CSPP1: variants seen among roughly 807,000 people sequenced by gnomAD.
The protein encoded by CSPP1 is centrosome and spindle pole-associated protein 1.
Under a neutral mutation model 164.4 loss-of-function variants are expected in CSPP1, and 126 were observed. That is an observed-to-expected ratio of 0.77 (90% CI 0.66 to 0.89). The LOEUF (loss-of-function observed/expected upper bound fraction) is 0.89. CSPP1 is among the 40% of genes least tolerant of loss of function. CSPP1 has a pLI of 0.00. For synonymous variants in CSPP1, 472 were observed against 476.7 expected (o/e 0.99, Z 0.13); for missense variants, 1,395 against 1,449.8 (o/e 0.96, Z 0.61).
chr8:67,118,184 T>C lies in CSPP1; in HGVS notation c.1497-64T>C, dbSNP rs1244299911. On this transcript the variant is annotated intron_variant, in intron 13 of 30. Coordinates refer to ENST00000678616, the MANE Select transcript of CSPP1 (RefSeq NM_001382391.1). Reference sequence around the variant, plus strand: ...GTACTGTTTTTGCAAAAGAGTAACATCTTGATTTTTTAAAAAATTGCAATG... The same window carrying C: ...GTACTGTTTTTGCAAAAGAGTAACACCTTGATTTTTTAAAAAATTGCAATG... The C allele has an allele frequency of 3.2e-6, 5 of 1,559,962 alleles. No individual in the cohort carries two copies. The African/African-American group carries it at 5.4e-5, about 17-fold the overall frequency.
chr8:67,170,594 C>G (rs1280829581), intron 24 of CSPP1, among the ~76,000 whole-genome samples: 3 of 152,054 alleles, frequency 2.0e-5, no homozygotes, highest in African/African-American at 7.2e-5. Flanking sequence ...TTTCTCTGAC[C>G]TCAAAGACTG....
chr8:67,143,033 C>T lies in CSPP1; in HGVS notation c.1975+5430C>T, dbSNP rs549646126. 1.3e-4 allele frequency among the ~76,000 whole-genome samples: 20 copies of T among 152,014 alleles called. No homozygotes were observed. In the South Asian group the frequency reaches 4.2e-3, roughly 32 times the overall value. On this transcript the variant is annotated intron_variant, in intron 17 of 30. Coordinates refer to ENST00000678616, the MANE Select transcript of CSPP1 (RefSeq NM_001382391.1). ...TTAGAAATTAACCTAGATACAGTGCCGATAATTAAGTTACATACCTTGTTC... is the reference window on the plus strand; with the variant it reads ...TTAGAAATTAACCTAGATACAGTGCTGATAATTAAGTTACATACCTTGTTC...
chr8:67,065,286 T>C (rs772301354), intron 1 of CSPP1, among the ~76,000 whole-genome samples: 7 of 152,172 alleles, frequency 4.6e-5, no homozygotes, highest in Non-Finnish European at 1.0e-4. Context: ...CAAATCCAGT[T>C]GTCAGTACAT....
chr8:67,156,677 CTG>C, intron 19 of CSPP1, among the ~76,000 whole-genome samples: 1 of 152,238 alleles, frequency 6.6e-6, no homozygotes, highest in South Asian at 2.1e-4. Context: ...ATGTTCAAAT[CTG>C]TGCACAAAGA....
At chr8:67,066,730 TATATAC>T (rs1563466971) in intron 1 of CSPP1, among the ~76,000 whole-genome samples, 2 of 152,136 alleles carry the variant, frequency 1.3e-5, no homozygotes, top group Non-Finnish European at 2.9e-5. Flanking sequence ...CATGTTTATA[TATATAC>T]ATATATATAC....
intron 7 of CSPP1, 30 bp from the exon 8 acceptor site, chr8:67,103,007 A>T: frequency 7.5e-7 from 1 of 1,340,210 alleles, no homozygotes; most frequent in Non-Finnish European, 1.1e-6. Flanking sequence ...TGTATGTGGC[A>T]CATGCTTTAT....
intron 1 of CSPP1, among the ~76,000 whole-genome samples, chr8:67,067,073 C>T (rs989330365): frequency 2.6e-5 from 4 of 152,120 alleles, no homozygotes; most frequent in Non-Finnish European, 5.9e-5. Context: ...ATATTTTTGA[C>T]TACGCCAGCC....
chr8:67,154,391 A>G (rs1287056498), intron 19 of CSPP1, among the ~76,000 whole-genome samples: 1 of 151,856 alleles, frequency 6.6e-6, no homozygotes. Flanking sequence ...TTTGAGACGG[A>G]GTCTTGCTCT....
chr8:67,097,862 A>C (rs1813150307), intron 7 of CSPP1, among the ~76,000 whole-genome samples: 1 of 151,944 alleles, frequency 6.6e-6, no homozygotes, highest in African/African-American at 2.4e-5. Context: ...AATAGATTAA[A>C]CATGAGGTTG....
At chr8:67,159,924 C>CTTTCTTT (rs1420951665) in intron 21 of CSPP1, among the ~76,000 whole-genome samples, 14 of 45,594 alleles carry the variant, frequency 3.1e-4, no homozygotes, top group East Asian at 1.2e-3. Flanking sequence ...TTCTTTCTTT[C>CTTTCTTT]CTTTCCTTCC....
intron 9 of CSPP1, among the ~76,000 whole-genome samples, chr8:67,109,303 C>T (rs1353928118): frequency 2.0e-5 from 3 of 152,164 alleles, no homozygotes; most frequent in Non-Finnish European, 4.4e-5. Context: ...ATCTGCTGTT[C>T]TTGTCATGTG....
At chr8:67,075,396 CA>C (rs1308626474) in intron 2 of CSPP1, among the ~76,000 whole-genome samples, 1 of 152,140 alleles carries the variant, frequency 6.6e-6, no homozygotes, top group African/African-American at 2.4e-5. Flanking sequence ...TTGTCCTGGA[CA>C]AAGGTACCTT....
At chr8:67,194,517 C>T (rs926095648) in intron 30 of CSPP1, among the ~76,000 whole-genome samples, 4 of 152,000 alleles carry the variant, frequency 2.6e-5, no homozygotes, top group Non-Finnish European at 4.4e-5. Context: ...ACCCAACAAA[C>T]TGAATTAATA....
At chr8:67,092,785 C>T (rs533985343) in intron 5 of CSPP1, among the ~76,000 whole-genome samples, 4 of 152,130 alleles carry the variant, frequency 2.6e-5, no homozygotes, top group South Asian at 4.2e-4. Context: ...GTTGTTTTAG[C>T]GACACGGGAG....
In CSPP1 at chr8:67,111,983, C is replaced by A. The variant is rs374703898; in HGVS notation, c.1105C>A (p.Arg369=). Residue 369 remains arginine (R), a synonymous_variant, in exon 10 of 31, where the codon CGA becomes AGA. Coordinates refer to ENST00000678616, the MANE Select transcript of CSPP1 (RefSeq NM_001382391.1). ...FAGMLFGGED[R]ELIQRRKEKY... ...ATACCACTATCTAGGAGGTGAAGAT[C>A]GAGAACTTATTCAGAGAAGGAAAGA... The A allele has an allele frequency of 3.1e-6, 5 of 1,604,766 alleles. No homozygotes were observed. In the African/African-American group the frequency reaches 5.4e-5, roughly 17 times the overall value.
chr8:67,116,880 T>G lies in CSPP1; in HGVS notation c.1496+758T>G, dbSNP rs544225044. 2.0e-5 allele frequency among the ~76,000 whole-genome samples: 3 copies of G among 152,300 alleles called. No homozygotes were observed. In the South Asian group the frequency reaches 6.2e-4, roughly 32 times the overall value. ...TGGACTGTATTATTTCAGTAGAAGT[T>G]GGTCTTTTAGTTACTAACCAACTGT... On this transcript the variant is annotated intron_variant, in intron 13 of 30. Transcript: ENST00000678616.
intron 15 of CSPP1, among the ~76,000 whole-genome samples, chr8:67,131,735 T>C (rs956077880): frequency 6.6e-6 from 1 of 152,166 alleles, no homozygotes; most frequent in Non-Finnish European, 1.5e-5. Flanking sequence ...GCTTAAGAAA[T>C]AGATACAGTG....
In CSPP1 at chr8:67,149,007, C is replaced by G. The variant is rs186033700; in HGVS notation, c.1976-776C>G. On this transcript the variant is annotated intron_variant, in intron 17 of 30. Transcript: ENST00000678616. ...TAGTTGGGTGGTTCTGTCTCAGGCT[C>G]CCTCATAATGTTGGAGTCCAAGATG... Among the ~76,000 whole-genome samples the G allele has an allele frequency of 3.9e-3, 591 of 152,200 alleles. 3 individuals carry two copies. The highest frequency in any genetic ancestry group is 0.013 in the African/African-American group (559 of 41,518).
At chr8:67,194,495 A>AT (rs1278695814) in intron 30 of CSPP1, among the ~76,000 whole-genome samples, 1 of 152,178 alleles carries the variant, frequency 6.6e-6, no homozygotes, top group Non-Finnish European at 1.5e-5. Context: ...GCTATAAGGC[A>AT]TTTTCTTTTA....
Sources: allele counts gnomAD v4.1 joint callset (sites outside exome capture counted in the v4.1 genomes callset), GRCh38; gene constraint gnomAD v4.1.1; transcripts MANE v1.5; gene names NCBI Gene and HGNC (gene_info 2026-07-23, HGNC 2026-07-21).